Variants in VPS36 observed in about 807,000 individuals in gnomAD.
VPS36 encodes the protein vacuolar protein sorting 36 homolog.
In VPS36, 31 loss-of-function variants were observed where a neutral mutation model predicts 63.5. The observed-to-expected ratio is 0.49, with a 90% CI of 0.37 to 0.66. VPS36 has a LOEUF of 0.66. Among genes scored for constraint, VPS36 ranks in the 30% least tolerant of loss-of-function variants. The pLI, the probability that VPS36 is intolerant of heterozygous loss-of-function variation, is 0.00. For synonymous variants in VPS36, 138 were observed against 157.2 expected, an observed-to-expected ratio of 0.88 and a Z score of 0.91; for missense variants, 338 against 463.7, an observed-to-expected ratio of 0.73 and a Z score of 2.49.
chr13:52,450,083 C>A (rs1182040684), intron 1 of VPS36: 1 of 989,066 alleles, frequency 1.0e-6, no homozygotes, highest in Non-Finnish European at 1.2e-6. Context: ...CGGGGCTGTC[C>A]GGTGCCGACG....
At chr13:52,432,124 G>A (rs1019732788) in intron 6 of VPS36, among the ~76,000 whole-genome samples, 3 of 152,132 alleles carry the variant, frequency 2.0e-5, no homozygotes, top group Admixed American at 6.5e-5. Context: ...AGGCCGCGGC[G>A]GCGGATCACG....
At chr13:52,431,598 A>C (rs958701570) in intron 6 of VPS36, among the ~76,000 whole-genome samples, 2 of 151,930 alleles carry the variant, frequency 1.3e-5, no homozygotes, top group Non-Finnish European at 1.5e-5. Context: ...CCCCGTCTCT[A>C]CTAAAAATAC....
Position 52,450,547 on chromosome 13 carries a change from G to A in VPS36, c.48C>T (p.Thr16=), listed in dbSNP as rs143572681. 2.5e-4 allele frequency: 406 copies of A among 1,595,180 alleles called. 2 individuals are homozygous for A. The highest frequency in any genetic ancestry group is 2.0e-3 in the South Asian group (176 of 89,030). The change falls in exon 1 of 14, where the codon ACC becomes ACT. Residue 16 remains threonine (T), a synonymous_variant. Transcript: ENST00000378060. ...GCACCCCGCGCTGCTGGATCACCAG[G>A]GTCTCGTTGATCTCCAGGAGGCCGC... ...WTSGLLEINE[T]LVIQQRGVRI...
At chr13:52,429,571 T>C (rs1017037546) in intron 6 of VPS36, among the ~76,000 whole-genome samples, 5 of 152,244 alleles carry the variant, frequency 3.3e-5, no homozygotes, top group South Asian at 2.1e-4. Context: ...CAGCCTCTGA[T>C]ACAAGGCCTG....
chr13:52,421,348 G>A (rs1392031949), intron 10 of VPS36, among the ~76,000 whole-genome samples: 1 of 152,128 alleles, frequency 6.6e-6, no homozygotes, highest in Non-Finnish European at 1.5e-5. Context: ...GAGTAGAAGA[G>A]TGGCTACCAG....
intron 2 of VPS36, among the ~76,000 whole-genome samples, chr13:52,441,971 AT>A (rs1267512597): frequency 6.6e-6 from 1 of 152,204 alleles, no homozygotes; most frequent in Non-Finnish European, 1.5e-5. Flanking sequence ...ACATTTAGAT[AT>A]AGAGTAGAAT....
Position 52,417,120 on chromosome 13 carries a change from G to C in VPS36, c.927C>G (p.Gly309=). 2 of 1,613,896 alleles carry C rather than the reference G, an allele frequency of 1.2e-6. No homozygotes were observed. Among genetic ancestry groups the C allele is most frequent in the Non-Finnish European group, 1.7e-6 (2 of 1,179,950 alleles). The change falls in exon 12 of 14, where the codon GGC becomes GGG. Residue 309 remains glycine, a synonymous_variant. Transcript: ENST00000378060. ...GAGACTGAAGCTCAATTACCATGAC[G>C]CCACTGTCAAACACACGGAGCCTGA... The part of the protein sequence containing the change: ...LPLRLRVFDS[G]VMVIELQSHK...
At chr13:52,416,173 G>A in intron 12 of VPS36, 80 bp from the exon 13 acceptor site, 9 of 1,339,610 alleles carry the variant, frequency 6.7e-6, no homozygotes, top group Non-Finnish European at 8.4e-6. Context: ...CTAATGGTAG[G>A]CAGAATGTAT....
At chr13:52,449,582 A>G (rs1323062146) in intron 1 of VPS36, among the ~76,000 whole-genome samples, 1 of 152,200 alleles carries the variant, frequency 6.6e-6, no homozygotes, top group African/African-American at 2.4e-5. Context: ...AAGTGTCGTT[A>G]ATAAAACGGC....
chr13:52,438,256 G>C lies in VPS36; in HGVS notation c.236+842C>G, dbSNP rs765641664. Among the ~76,000 whole-genome samples, 23 of 151,966 alleles carry C rather than the reference G, an allele frequency of 1.5e-4. No homozygotes were observed. In the Middle Eastern group the frequency reaches 0.01, roughly 68 times the overall value. On this transcript the variant is annotated intron_variant, in intron 3 of 13. Coordinates refer to ENST00000378060, the MANE Select transcript of VPS36 (RefSeq NM_016075.4). ...AATACAATGGAGAAAATTGATAAGGGGAAAATATAAATCATAAGAACAACC... is the reference window on the plus strand; with the variant it reads ...AATACAATGGAGAAAATTGATAAGGCGAAAATATAAATCATAAGAACAACC...
At chr13:52,436,255 C>CACACACACACACACA in intron 4 of VPS36, 35 bp downstream of exon 4, 2 of 722,998 alleles carry the variant, frequency 2.8e-6, no homozygotes, top group Non-Finnish European at 4.2e-6. Context: ...ACACACACAC[C>CACACACACACACACA]TTTCTAGTAC....
chr13:52,434,754 A>C, intron 5 of VPS36, 39 bp downstream of exon 5: 1 of 1,550,878 alleles, frequency 6.4e-7, no homozygotes, highest in Non-Finnish European at 8.9e-7. Flanking sequence ...GTAAGTACAG[A>C]GTTGAAAATA....
chr13:52,416,282 G>T (rs1377435515), intron 12 of VPS36, 189 bp from the exon 13 acceptor site: 5 of 598,694 alleles, frequency 8.4e-6, no homozygotes, highest in African/African-American at 5.6e-5. Context: ...TCCTACAAAA[G>T]TTGAAGTACC....
intron 1 of VPS36, among the ~76,000 whole-genome samples, chr13:52,446,316 G>A (rs1958343337): frequency 6.6e-6 from 1 of 151,004 alleles, no homozygotes; most frequent in Non-Finnish European, 1.5e-5. Flanking sequence ...ATATAGTTCT[G>A]ATTAAGAAAC....
At chr13:52,435,438 T>C (rs1958206026) in intron 4 of VPS36, among the ~76,000 whole-genome samples, 1 of 151,958 alleles carries the variant, frequency 6.6e-6, no homozygotes, top group African/African-American at 2.4e-5. Flanking sequence ...AAGTGGGCTA[T>C]TCTCAACAAA....
chr13:52,438,489 T>A (rs530403892), intron 3 of VPS36, among the ~76,000 whole-genome samples: 1 of 152,168 alleles, frequency 6.6e-6, no homozygotes, highest in South Asian at 2.1e-4. Context: ...TAAGCCTACA[T>A]AGGAAAAAAA....
chr13:52,426,609 A>G (rs976186343), intron 8 of VPS36, among the ~76,000 whole-genome samples: 2 of 152,158 alleles, frequency 1.3e-5, no homozygotes, highest in African/African-American at 4.8e-5. Flanking sequence ...GTGGTGGTTC[A>G]TGCCTGTAAT....
chr13:52,419,643 G>T (rs1197906965), intron 10 of VPS36, among the ~76,000 whole-genome samples: 1 of 152,146 alleles, frequency 6.6e-6, no homozygotes, highest in African/African-American at 2.4e-5. Flanking sequence ...CCACTGCTGG[G>T]TATATATCCA....
At chr13:52,442,244 G>A (rs776125788) in intron 2 of VPS36, 133 bp downstream of exon 2, 16 of 627,192 alleles carry the variant, frequency 2.6e-5, no homozygotes, top group African/African-American at 7.7e-5. Context: ...CCGGCTACTC[G>A]GGAGGTTGAG....
Sources: gnomAD v4.1 joint callset for allele counts (sites outside exome capture counted in the v4.1 genomes callset) on GRCh38, gnomAD v4.1.1 for gene constraint, MANE v1.5 for transcripts, NCBI Gene and HGNC (gene_info 2026-07-23, HGNC 2026-07-21) for gene names.